The following CAMSAP2 variants were observed in gnomAD, a reference collection of about 807,000 sequenced individuals.
CAMSAP2 encodes the protein calmodulin regulated spectrin associated protein family member 2.
A neutral mutation model predicts 146.1 loss-of-function variants in CAMSAP2; 26 were observed. That is an observed-to-expected ratio of 0.18 (90% confidence interval 0.13 to 0.25). The LOEUF is 0.25. CAMSAP2 is among the 10% of genes least tolerant of loss of function. The pLI is 1.00. For synonymous variants in CAMSAP2, 499 were observed against 596.6 expected (o/e 0.84, Z 2.38); for missense variants, 1,381 against 1,759.3 (o/e 0.78, Z 3.85).
chr1:200,827,130 A>G (rs1666925516), intron 4 of CAMSAP2, among the ~76,000 whole-genome samples: 1 of 152,222 alleles, frequency 6.6e-6, no homozygotes, highest in African/African-American at 2.4e-5. Flanking sequence ...TCCTTCACAC[A>G]GCCAATCTGT....
At chr1:200,835,339 T>C (rs544479147) in intron 6 of CAMSAP2, among the ~76,000 whole-genome samples, 1 of 152,340 alleles carries the variant, frequency 6.6e-6, no homozygotes, top group Admixed American at 6.5e-5. Context: ...ATTATAACTT[T>C]TAGAACATTG....
rs376874686 is a variant in CAMSAP2 at position 200,816,958 on chromosome 1, A to G, written c.645+1314A>G. ...CGCGTGTGTATGTGTGTACACACACACGCGTGTGTATGTGTATATATCTAC... is the reference window on the plus strand; with the variant it reads ...CGCGTGTGTATGTGTGTACACACACGCGCGTGTGTATGTGTATATATCTAC... On this transcript the variant is annotated intron_variant, in intron 4 of 16. Coordinates refer to ENST00000358823, the MANE Select transcript of CAMSAP2 (RefSeq NM_203459.4). 7.9e-4 allele frequency among the ~76,000 whole-genome samples: 34 copies of G among 43,164 alleles called. 8 individuals carry two copies. Among genetic ancestry groups the G allele is most frequent in the Non-Finnish European group, 1.2e-3 (27 of 21,640 alleles). 28.3% of individuals were successfully genotyped at this position (43,164 alleles called of 152,430 possible).
chr1:200,760,725 C>T (rs548436067), intron 1 of CAMSAP2, 114 bp from the exon 2 acceptor site: 8 of 730,218 alleles, frequency 1.1e-5, no homozygotes, highest in Non-Finnish European at 1.7e-5. Flanking sequence ...AGGGTTATTG[C>T]TATATTTTTA....
intron 2 of CAMSAP2, among the ~76,000 whole-genome samples, chr1:200,770,945 G>C (rs1030928328): frequency 2.6e-5 from 4 of 152,126 alleles, no homozygotes; most frequent in African/African-American, 9.7e-5. Context: ...TAGTAACAGA[G>C]CAGAGATAGA....
rs376380310 is a variant in CAMSAP2, at chr1:200,849,255, A to G, written c.2486A>G (p.Gln829Arg). 3.7e-6 allele frequency: 6 copies of G among 1,613,948 alleles called. No individual in the cohort carries two copies. The highest frequency in any genetic ancestry group is 5.1e-6 in the Non-Finnish European group (6 of 1,180,012). Residue 829 changes from glutamine (Q) to arginine (R), a missense_variant, in exon 11 of 17, where the codon CAA becomes CGA. Gln to Arg is a conservative substitution (Grantham distance 43, BLOSUM62 1). This residue lies in a region of CAMSAP2 where 560 missense variants were observed against 715.9 expected (regional missense o/e 0.78). Coordinates refer to ENST00000358823, the MANE Select transcript of CAMSAP2 (RefSeq NM_203459.4). This position sits in a 1 kb window ranked among gnomAD's most constrained non-coding sequence, Gnocchi z 6.3. ...AAGGAATCACAAAAAACTGATGGAC[A>G]AAGGAGCAAGTCACTGGCAGATATA... ...KEKESQKTDG[Q>R]RSKSLADIKE... is the part of the protein sequence containing the mutation.
intron 3 of CAMSAP2, among the ~76,000 whole-genome samples, chr1:200,812,334 C>T (rs1317083507): frequency 6.6e-6 from 1 of 150,646 alleles, no homozygotes; most frequent in Non-Finnish European, 1.5e-5. Context: ...TTAAGCTAGG[C>T]ACTTTAGAAC....
rs1270228375 is a variant in CAMSAP2, at chr1:200,853,135, TC to T, written c.3603-139del. The T allele has an allele frequency of 5.5e-6, 4 of 722,612 alleles. No homozygotes were observed. The African/African-American group carries it at 7.1e-5, about 13-fold the overall frequency. The allele number at this position is 722,612 out of a possible 1,614,324, so 44.8% of individuals were successfully genotyped here. ...TTAATCCCATGTCTCAGCAGAATCG[TC>T]AAGTACCTTTTAAATGAACCATTTA... is the stretch of plus-strand genomic sequence containing the variant. On this transcript the variant is annotated intron_variant, in intron 12 of 16. Transcript: ENST00000358823. This position sits in a 1 kb window ranked among gnomAD's most constrained non-coding sequence, Gnocchi z 5.1.
In CAMSAP2 at chr1:200,857,176, C is replaced by T. The variant is rs1233878983; in HGVS notation, c.4013-130C>T. 1.4e-6 allele frequency: 1 copy of T among 704,424 alleles called. No homozygotes were observed. Among genetic ancestry groups the T allele is most frequent in the East Asian group, 2.7e-5 (1 of 36,790 alleles). 43.6% of individuals were successfully genotyped at this position (704,424 alleles called of 1,614,324 possible). ...GGTTGGATTGCAGCCAGTAAGAGGC[C>T]TTTAAGCACAGAATTTGGTCTTCTA... On this transcript the variant is annotated intron_variant, in intron 15 of 16. Transcript: ENST00000358823. The surrounding 1 kb of genome is among the most constrained non-coding windows in gnomAD (Gnocchi z 4.7).
chr1:200,769,936 A>G (rs1470061209), intron 2 of CAMSAP2, among the ~76,000 whole-genome samples: 1 of 152,200 alleles, frequency 6.6e-6, no homozygotes, highest in East Asian at 1.9e-4. Context: ...AGGGCAGGAG[A>G]TTCTGTTTCC....
chr1:200,838,965 C>G (rs1667250316), intron 6 of CAMSAP2, among the ~76,000 whole-genome samples: 1 of 152,092 alleles, frequency 6.6e-6, no homozygotes, highest in African/African-American at 2.4e-5. Context: ...GATAGTGGTG[C>G]CATTCAGTGA....
At chr1:200,797,162 T>G (rs1279438959) in intron 2 of CAMSAP2, among the ~76,000 whole-genome samples, 2 of 151,804 alleles carry the variant, frequency 1.3e-5, no homozygotes, top group Non-Finnish European at 2.9e-5. Context: ...GCAGAATGAT[T>G]TATAGTCCTT....
intron 1 of CAMSAP2, among the ~76,000 whole-genome samples, chr1:200,747,803 G>A (rs1484992458): frequency 6.6e-6 from 1 of 152,122 alleles, no homozygotes; most frequent in African/African-American, 2.4e-5. Flanking sequence ...GAGGTCAGGA[G>A]ATCGAGACCA....
intron 2 of CAMSAP2, among the ~76,000 whole-genome samples, chr1:200,780,313 A>C (rs1665396627): frequency 6.6e-6 from 1 of 152,172 alleles, no homozygotes; most frequent in Non-Finnish European, 1.5e-5. Context: ...GATGCTGGTA[A>C]GGTGTTGTCA....
rs146897038 is a variant in CAMSAP2 at position 200,775,497 on chromosome 1, A to G, written c.399+14399A>G. Reference sequence around the variant, plus strand: ...CATAATAATAATTTTGGTAAAATAGAAAAGCTTCCTTTTTCATGAATATCC... The same window carrying G: ...CATAATAATAATTTTGGTAAAATAGGAAAGCTTCCTTTTTCATGAATATCC... On this transcript the variant is annotated intron_variant, in intron 2 of 16. Coordinates refer to ENST00000358823, the MANE Select transcript of CAMSAP2 (RefSeq NM_203459.4). 2.8e-3 allele frequency among the ~76,000 whole-genome samples: 426 copies of G among 152,152 alleles called. 12 individuals carry two copies. Among genetic ancestry groups the G allele is most frequent in the Admixed American group, 0.019 (289 of 15,276 alleles).
At chr1:200,820,679 C>T (rs1042222305) in intron 4 of CAMSAP2, among the ~76,000 whole-genome samples, 1 of 152,130 alleles carries the variant, frequency 6.6e-6, no homozygotes, top group African/African-American at 2.4e-5. Flanking sequence ...AATGCTGTTT[C>T]TTCAAATAGT....
chr1:200,768,384 G>A (rs1336526239), intron 2 of CAMSAP2, among the ~76,000 whole-genome samples: 2 of 152,200 alleles, frequency 1.3e-5, no homozygotes, highest in African/African-American at 4.8e-5. Context: ...CTTTTGAGGG[G>A]TGATAAGAAA....
chr1:200,859,478 T>G lies in CAMSAP2; in HGVS notation c.*1419T>G, dbSNP rs1031471655. On this transcript the variant is annotated 3_prime_UTR_variant, in exon 17 of 17. Transcript: ENST00000358823. The stretch of plus-strand genomic sequence containing the variant: ...GAGATGTCCCTGAGCTGTACTTTTC[T>G]ATTATTATAAGGCCTTTAGGCATCA... 16 of 152,676 alleles carry G rather than the reference T, an allele frequency of 1.0e-4. No individual in the cohort carries two copies. The highest frequency in any genetic ancestry group is 3.6e-4 in the African/African-American group (15 of 41,466). The allele number at this position is 152,676 out of a possible 1,614,324, so 9.5% of individuals were successfully genotyped here.
In CAMSAP2 at chr1:200,855,972, CTGTT is replaced by C. The variant is rs775028462; in HGVS notation, c.3897-35_3897-32del. The C allele has an allele frequency of 1.2e-5, 17 of 1,405,540 alleles. No individual in the cohort carries two copies. The Admixed American group carries it at 2.6e-4, about 21-fold the overall frequency. The allele number at this position is 1,405,540 out of a possible 1,614,324, so 87.1% of individuals were successfully genotyped here. ...ATACCCTCTGGGCCCCATTTTTTCT[CTGTT>C]TGAGACATAAAACATATTTTATTTT... On this transcript the variant is annotated intron_variant, in intron 14 of 16. Transcript: ENST00000358823.
In CAMSAP2 at chr1:200,809,346, T is replaced by G. The variant is rs114860391; in HGVS notation, c.561+1809T>G. On this transcript the variant is annotated intron_variant, in intron 3 of 16. Transcript: ENST00000358823. ...AGTTTTCTACTACTTGCTCTAGAAC[T>G]TTCTTCCCTTTTTTGTGGTCATTGG... 7.4e-3 allele frequency among the ~76,000 whole-genome samples: 1,135 copies of G among 152,370 alleles called. 12 individuals carry two copies. Among genetic ancestry groups the G allele is most frequent in the Middle Eastern group, 0.044 (13 of 294 alleles).
Sources: allele counts gnomAD v4.1 joint callset (sites outside exome capture counted in the v4.1 genomes callset), GRCh38; gene constraint gnomAD v4.1.1; regional missense constraint gnomAD v4.1.1; non-coding constraint Gnocchi (gnomAD v3.1); transcripts MANE v1.5; gene names NCBI Gene and HGNC (gene_info 2026-07-23, HGNC 2026-07-21).